The following PLXDC2 variants were observed in gnomAD, a reference collection of about 807,000 sequenced individuals.
PLXDC2 encodes the protein plexin domain containing 2.
A neutral mutation model predicts 68.9 loss-of-function variants in PLXDC2; 40 were observed. The observed-to-expected ratio is 0.58, with a 90% CI of 0.45 to 0.76. The LOEUF is 0.76. PLXDC2 is among the 30% of genes least tolerant of loss of function. PLXDC2 has a pLI of 0.00. For missense variants in PLXDC2, 644 were observed against 661.9 expected (o/e 0.97, Z 0.30); for synonymous variants, 243 against 234.2 (o/e 1.04, Z -0.34).
At chr10:19,926,436 A>G (rs1374261388) in intron 1 of PLXDC2, among the ~76,000 whole-genome samples, 1 of 152,184 alleles carries the variant, frequency 6.6e-6, no homozygotes, top group Non-Finnish European at 1.5e-5. Context: ...GTAGAAGAGA[A>G]AGGGCTGATT....
At chr10:20,105,697 T>G (rs1178142989) in intron 4 of PLXDC2, among the ~76,000 whole-genome samples, 1 of 152,100 alleles carries the variant, frequency 6.6e-6, no homozygotes, top group Non-Finnish European at 1.5e-5. Flanking sequence ...AGCAAGTTTC[T>G]CAAAGGAAGC....
At chr10:20,159,336 CTTT>C (rs1250892243) in intron 6 of PLXDC2, among the ~76,000 whole-genome samples, 1 of 152,140 alleles carries the variant, frequency 6.6e-6, no homozygotes, top group Non-Finnish European at 1.5e-5. Context: ...TTGTGGTATC[CTTT>C]ACTCTGCTTT....
rs1361789771 is a variant in PLXDC2 at position 20,281,642 on chromosome 10, G to T, written c.*1823G>T. The T allele has an allele frequency of 6.6e-6, 1 of 152,006 alleles. No homozygotes were observed. The highest frequency in any genetic ancestry group is 2.4e-5 in the African/African-American group (1 of 41,382). 9.4% of individuals were successfully genotyped at this position (152,006 alleles called of 1,614,324 possible). A position where few individuals can be genotyped will look rare whatever the true frequency, so the allele number is the denominator to read the frequency against. On this transcript the variant is annotated 3_prime_UTR_variant, in exon 14 of 14. Transcript: ENST00000377252. ...AAGATGGTAACTTTTTCCTAACTTA[G>T]TTAACTATTAAAAAAAATTTTGAAA... is the stretch of plus-strand genomic sequence containing the variant.
At chr10:19,994,135 A>G (rs1834798844) in intron 1 of PLXDC2, among the ~76,000 whole-genome samples, 1 of 152,042 alleles carries the variant, frequency 6.6e-6, no homozygotes, top group African/African-American at 2.4e-5. Context: ...CAAAGAACAG[A>G]GATGATGAAC....
Position 19,848,826 on chromosome 10 carries a change from T to C in PLXDC2, c.112+31635T>C, listed in dbSNP as rs115579312. 3.1e-3 allele frequency among the ~76,000 whole-genome samples: 471 copies of C among 151,718 alleles called. 4 individuals are homozygous for C. Among genetic ancestry groups the C allele is most frequent in the African/African-American group, 0.011 (452 of 41,420 alleles). ...CTGTAAGGGTTTTGGAAGGGGAGGA[T>C]GGCAGGTTTTTTTAATGAACTCACT... On this transcript the variant is annotated intron_variant, in intron 1 of 13. Coordinates refer to ENST00000377252, the MANE Select transcript of PLXDC2 (RefSeq NM_032812.9).
At chr10:20,036,624 A>G (rs1195172758) in intron 2 of PLXDC2, among the ~76,000 whole-genome samples, 2 of 152,150 alleles carry the variant, frequency 1.3e-5, no homozygotes, top group Admixed American at 6.6e-5. Flanking sequence ...TCCATACCAT[A>G]GTTGTTTACT....
chr10:20,168,070 G>A (rs1834397772), intron 7 of PLXDC2, among the ~76,000 whole-genome samples: 2 of 152,002 alleles, frequency 1.3e-5, no homozygotes, highest in African/African-American at 4.8e-5. Context: ...GGGAATTCAG[G>A]CATTGTTAGT....
At chr10:20,187,931 CT>C (rs1250918848) in intron 9 of PLXDC2, among the ~76,000 whole-genome samples, 1 of 151,718 alleles carries the variant, frequency 6.6e-6, no homozygotes, top group African/African-American at 2.4e-5. Context: ...GAAAAGTGTT[CT>C]CATTTACCAT....
chr10:20,189,033 G>GT (rs1564346906), intron 9 of PLXDC2, among the ~76,000 whole-genome samples: 26 of 76,846 alleles, frequency 3.4e-4, no homozygotes, highest in South Asian at 9.3e-4. Flanking sequence ...TTTTAATGAA[G>GT]AATCTTCGCT....
intron 10 of PLXDC2, among the ~76,000 whole-genome samples, chr10:20,213,663 T>C (rs1036699220): frequency 5.3e-5 from 8 of 152,260 alleles, no homozygotes; most frequent in South Asian, 2.1e-4. Flanking sequence ...TTTTTTACTA[T>C]TGACTTCTAG....
intron 2 of PLXDC2, among the ~76,000 whole-genome samples, chr10:20,038,776 G>A (rs898078590): frequency 6.6e-6 from 1 of 152,060 alleles, no homozygotes; most frequent in African/African-American, 2.4e-5. Flanking sequence ...AAAAATTAAT[G>A]TGACTTAATT....
At chr10:20,166,738 T>C (rs2358855) in intron 7 of PLXDC2, among the ~76,000 whole-genome samples, 34,779 of 152,066 alleles carry the variant, frequency 0.23, 4,996 homozygotes, top group East Asian at 0.49. Context: ...ACAAAAATTT[T>C]TTTTACAAAT....
intron 4 of PLXDC2, among the ~76,000 whole-genome samples, chr10:20,103,260 C>T (rs1187337331): frequency 1.3e-5 from 2 of 151,718 alleles, no homozygotes; most frequent in Non-Finnish European, 2.9e-5. Context: ...TGAAACCTGC[C>T]TGGGTTGTAT....
In PLXDC2 at chr10:19,818,013, C is replaced by T. The variant is rs547961250; in HGVS notation, c.112+822C>T. On this transcript the variant is annotated intron_variant, in intron 1 of 13. Transcript: ENST00000377252. Reference sequence around the variant, plus strand: ...GAGCTGCCTCCTGGAACCCTGCCCACCGCGAACTGGGTGCCTACTCCCCAT... The same window carrying T: ...GAGCTGCCTCCTGGAACCCTGCCCATCGCGAACTGGGTGCCTACTCCCCAT... Among the ~76,000 whole-genome samples the T allele has an allele frequency of 6.6e-5, 10 of 152,296 alleles. No homozygotes were observed. The South Asian group carries it at 1.0e-3, about 16-fold the overall frequency.
intron 1 of PLXDC2, among the ~76,000 whole-genome samples, chr10:19,976,533 G>C (rs1229791502): frequency 6.6e-6 from 1 of 152,030 alleles, no homozygotes; most frequent in African/African-American, 2.4e-5. Flanking sequence ...TTAATCTTTG[G>C]TGTGAGATCT....
chr10:20,157,202 C>G (rs1252964890), intron 6 of PLXDC2, among the ~76,000 whole-genome samples: 1 of 152,194 alleles, frequency 6.6e-6, no homozygotes, highest in Non-Finnish European at 1.5e-5. Flanking sequence ...ATGGGTAAAA[C>G]AGAAACCTTT....
intron 4 of PLXDC2, among the ~76,000 whole-genome samples, chr10:20,137,882 T>C (rs888757444): frequency 1.1e-4 from 16 of 152,256 alleles, no homozygotes; most frequent in African/African-American, 3.6e-4. Context: ...CATGTCGACA[T>C]GGTCTCAGTA....
At chr10:20,189,561 A>ATG (rs1411577811) in intron 9 of PLXDC2, among the ~76,000 whole-genome samples, 4 of 147,138 alleles carry the variant, frequency 2.7e-5, no homozygotes, top group Admixed American at 1.4e-4. Flanking sequence ...ACACACATAT[A>ATG]TATATATACA....
chr10:20,275,976 A>T (rs530418979), intron 13 of PLXDC2, among the ~76,000 whole-genome samples: 1 of 152,124 alleles, frequency 6.6e-6, no homozygotes, highest in Admixed American at 6.6e-5. Flanking sequence ...TTTGAAAAAC[A>T]ATACTCTCGT....
Sources: gnomAD v4.1 joint callset for allele counts (sites outside exome capture counted in the v4.1 genomes callset) on GRCh38, gnomAD v4.1.1 for gene constraint, MANE v1.5 for transcripts, NCBI Gene and HGNC (gene_info 2026-07-23, HGNC 2026-07-21) for gene names.